The following SYN1 variants were observed in gnomAD, a reference collection of about 807,000 sequenced individuals.
SYN1 encodes the protein synapsin I.
Under a neutral mutation model 44.6 loss-of-function variants are expected in SYN1, and 8 were observed. The observed-to-expected ratio is 0.18, with a 90% CI of 0.11 to 0.32. The LOEUF (loss-of-function observed/expected upper bound fraction) is 0.32. Ranked by LOEUF, SYN1 falls within the 10% of genes least tolerant of loss-of-function variation. The probability of loss-of-function intolerance (pLI) is 1.00; values close to 1 mark genes in which losing one functional copy is unlikely to be tolerated. For missense variants in SYN1, 451 were observed against 639.4 expected, an observed-to-expected ratio of 0.71 and a Z score of 3.18; for synonymous variants, 275 against 280.1, an observed-to-expected ratio of 0.98 and a Z score of 0.18.
intron 5 of SYN1, among the ~76,000 whole-genome samples, chrX:47,578,582 C>T (rs1035117072): frequency 2.7e-5 from 3 of 111,800 alleles, no homozygotes; most frequent in African/African-American, 9.8e-5. Context: ...GCACTCCCAC[C>T]CCAACACACA....
chrX:47,577,522 G>A (rs1021419964), intron 5 of SYN1, 21 bp from the exon 6 acceptor site: 1 of 1,194,697 alleles, frequency 8.4e-7, no homozygotes, highest in Non-Finnish European at 1.1e-6. Flanking sequence ...AAAGGCAGAG[G>A]AGACATGCTC....
At position 47,584,160 on chromosome X, in the gene SYN1, G is replaced by A. The variant is rs188258505; in HGVS notation, c.775-6659C>T. 2.2e-4 allele frequency among the ~76,000 whole-genome samples: 24 copies of A among 111,526 alleles called. No homozygotes were observed. The East Asian group carries it at 4.2e-3, about 20-fold the overall frequency. On this transcript the variant is annotated intron_variant, in intron 5 of 12. Coordinates refer to ENST00000295987, the MANE Select transcript of SYN1 (RefSeq NM_006950.3). Reference sequence around the variant, plus strand: ...CCAAGGGGAATCAGACATCACCTGGGGGATGGTGGAAGATGAAGAACCCAG... The same window carrying A: ...CCAAGGGGAATCAGACATCACCTGGAGGATGGTGGAAGATGAAGAACCCAG...
At chrX:47,617,177 A>T (rs1437585310) in intron 1 of SYN1, among the ~76,000 whole-genome samples, 1 of 111,366 alleles carries the variant, frequency 9.0e-6, no homozygotes, top group African/African-American at 3.3e-5. Flanking sequence ...ATTGCTCTGA[A>T]TGGAGAGAAA....
chrX:47,576,998 A>G (rs1412617054), intron 6 of SYN1, among the ~76,000 whole-genome samples: 3 of 111,931 alleles, frequency 2.7e-5, no homozygotes. Flanking sequence ...TACACACAAC[A>G]TGCTAAGATA....
chrX:47,597,104 C>T (rs755364302), intron 5 of SYN1, among the ~76,000 whole-genome samples: 11 of 111,050 alleles, frequency 9.9e-5, no homozygotes, highest in Admixed American at 1.9e-4. Flanking sequence ...GAGACTGAGG[C>T]GGGTGGATCA....
chrX:47,589,595 CAAAAAA>C (rs779225789), intron 5 of SYN1, among the ~76,000 whole-genome samples: 1 of 29,931 alleles, frequency 3.3e-5, no homozygotes, highest in Non-Finnish European at 6.5e-5. Context: ...GACTCCGTCT[CAAAAAA>C]AAAAAAAAAA....
At chrX:47,615,541 T>C (rs1186628958) in intron 1 of SYN1, among the ~76,000 whole-genome samples, 3 of 112,517 alleles carry the variant, frequency 2.7e-5, no homozygotes, top group Non-Finnish European at 5.6e-5. Context: ...TGTTATTCTC[T>C]ATTTTTATTT....
chrX:47,581,425 G>A (rs1357525282), intron 5 of SYN1, among the ~76,000 whole-genome samples: 2 of 112,057 alleles, frequency 1.8e-5, no homozygotes, highest in African/African-American at 6.5e-5. Flanking sequence ...CCATGGGGAG[G>A]GGGCAGGGCA....
rs765245785 is a variant in SYN1 at position 47,577,489 on chromosome X, T to C, written c.787A>G (p.Thr263Ala). 7.5e-6 allele frequency: 9 copies of C among 1,203,179 alleles called. 1 individual carries two copies. The South Asian group carries it at 1.4e-4, about 19-fold the overall frequency. Residue 263 changes from threonine to alanine, a missense_variant, in exon 6 of 13, where the codon ACG becomes GCG. Around this residue, in one of 3 missense-constraint regions of SYN1, gnomAD observed 315 missense variants for 451.4 expected, o/e 0.70. Coordinates refer to ENST00000295987, the MANE Select transcript of SYN1 (RefSeq NM_006950.3). The stretch of plus-strand genomic sequence containing the variant: ...CCCATCTTCACAACCACGGGGTACG[T>C]TGTACTGCTGAGCTGGTGGGGAAAA... ...PNHKEMLSST[T>A]YPVVVKMGHA...
chrX:47,603,906 A>AT (rs869237796), intron 5 of SYN1, among the ~76,000 whole-genome samples: 152 of 94,759 alleles, frequency 1.6e-3, no homozygotes, highest in Middle Eastern at 5.4e-3. Flanking sequence ...ATATATATAT[A>AT]TTTTTTTTTT....
At chrX:47,606,752 T>TATATATA (rs369347566) in intron 3 of SYN1, among the ~76,000 whole-genome samples, 193 bp downstream of exon 3, 54 of 94,550 alleles carry the variant, frequency 5.7e-4, no homozygotes, top group African/African-American at 2.3e-3. Flanking sequence ...TATATATATA[T>TATATATA]TTTTTTTTAA....
At chrX:47,613,460 T>C (rs1343490858) in intron 1 of SYN1, among the ~76,000 whole-genome samples, 1 of 111,643 alleles carries the variant, frequency 9.0e-6, no homozygotes, top group African/African-American at 3.3e-5. Context: ...ACCAACCACT[T>C]TGTGGCAAGC....
Position 47,619,444 on chromosome X carries a change from G to T in SYN1, c.285C>A (p.Phe95Leu). 1.7e-6 allele frequency: 2 copies of T among 1,194,803 alleles called. No individual in the cohort carries two copies. Among genetic ancestry groups the T allele is most frequent in the Non-Finnish European group, 2.2e-6 (2 of 892,113 alleles). Residue 95 changes from phenylalanine to leucine, a missense_variant, in exon 1 of 13, where the codon TTC becomes TTA. This residue lies in a region of SYN1 where 315 missense variants were observed against 451.4 expected (regional missense o/e 0.70). Coordinates refer to ENST00000295987, the MANE Select transcript of SYN1 (RefSeq NM_006950.3). The stretch of plus-strand genomic sequence containing the variant: ...CAGAGCCGCCGCCCACCTGCTCGCT[G>T]AAGGTGGCAGCTGCCGCCGCCGTGG... ...KQTTAAAAAT[F>L]SEQVGGGSGG...
intron 1 of SYN1, among the ~76,000 whole-genome samples, chrX:47,612,861 G>A (rs994366823): frequency 2.7e-5 from 3 of 111,665 alleles, no homozygotes; most frequent in Admixed American, 9.4e-5. Flanking sequence ...GACTGGGCGC[G>A]GTGGCTCACG....
At chrX:47,575,368 C>T in intron 9 of SYN1, 94 bp from the exon 10 acceptor site, 2 of 1,016,327 alleles carry the variant, frequency 2.0e-6, no homozygotes, top group Non-Finnish European at 2.7e-6. Context: ...GGCATGGCCG[C>T]CGCTGAGCCC....
At chrX:47,619,326 G>T (rs768193718) in intron 1 of SYN1, 26 bp downstream of exon 1, 54 of 1,200,340 alleles carry the variant, frequency 4.5e-5, no homozygotes, top group Non-Finnish European at 5.8e-5. Flanking sequence ...CCAGGCCCAC[G>T]GGAGACGTCC....
Position 47,574,516 on chromosome X carries a change from G to A in SYN1, c.1468C>T (p.Gln490Ter). 1 of 1,083,388 alleles carries A rather than the reference G, an allele frequency of 9.2e-7. No individual in the cohort carries two copies. The highest frequency in any genetic ancestry group is 1.2e-6 in the Non-Finnish European group (1 of 837,645). 89.3% of individuals were successfully genotyped at this position (1,083,388 alleles called of 1,213,427 possible). A position where few individuals can be genotyped will look rare whatever the true frequency, so the allele number is the denominator to read the frequency against. Residue 490 changes from glutamine to a stop codon, truncating the protein, a stop_gained, in exon 12 of 13, where the codon CAG becomes TAG. Transcript: ENST00000295987. LOFTEE classifies it high-confidence loss of function. ...GGTCCAAGGCCTGAAAGGTGCTGCT[G>A]GCCCTGCGGGGGCGGGCGCTGCTGC... ...PLQQRPPPQG[Q>*]QHLSGLGPPA...
At chrX:47,607,615 C>T (rs1018658451) in intron 1 of SYN1, among the ~76,000 whole-genome samples, 39 of 108,781 alleles carry the variant, frequency 3.6e-4, no homozygotes, top group Non-Finnish European at 3.0e-4. Context: ...CGGTGGCTTA[C>T]GCCTGTAATC....
intron 5 of SYN1, among the ~76,000 whole-genome samples, chrX:47,579,699 G>C (rs1018256224): frequency 1.8e-5 from 2 of 111,793 alleles, no homozygotes; most frequent in Non-Finnish European, 3.8e-5. Flanking sequence ...CAGAGTCAGC[G>C]AGGGGCCAAG....
Sources: allele counts gnomAD v4.1 joint callset (sites outside exome capture counted in the v4.1 genomes callset), GRCh38; gene constraint gnomAD v4.1.1; regional missense constraint gnomAD v4.1.1; transcripts MANE v1.5; gene names NCBI Gene and HGNC (gene_info 2026-07-23, HGNC 2026-07-21).